The following NXPH1 variants were observed in gnomAD, a reference collection of about 807,000 sequenced individuals.
The protein encoded by NXPH1 is neurexophilin 1.
A neutral mutation model predicts 23.7 loss-of-function variants in NXPH1; 5 were observed. That is an observed-to-expected ratio of 0.21 (90% CI 0.11 to 0.44). The LOEUF is 0.44. NXPH1 is among the 20% of genes least tolerant of loss of function. The probability of loss-of-function intolerance (pLI) is 0.99; values close to 1 mark genes in which losing one functional copy is unlikely to be tolerated. For synonymous variants in NXPH1, 144 were observed against 122.2 expected (o/e 1.18, Z -1.18); for missense variants, 324 against 321.6 (o/e 1.01, Z -0.06).
At chr7:8,500,314 G>A (rs1243325289) in intron 2 of NXPH1, among the ~76,000 whole-genome samples, 2 of 151,622 alleles carry the variant, frequency 1.3e-5, no homozygotes, top group East Asian at 1.9e-4. Flanking sequence ...ATTTCTTTAT[G>A]TTTGGTGTTT....
intron 2 of NXPH1, among the ~76,000 whole-genome samples, chr7:8,742,345 C>T (rs1447097291): frequency 6.6e-6 from 1 of 151,844 alleles, no homozygotes; most frequent in Non-Finnish European, 1.5e-5. Flanking sequence ...GGAATTGAGG[C>T]TAAAATAGTA....
chr7:8,520,857 C>T (rs1028727562), intron 2 of NXPH1, among the ~76,000 whole-genome samples: 2 of 152,128 alleles, frequency 1.3e-5, no homozygotes, highest in African/African-American at 4.8e-5. Flanking sequence ...TCCATCACTG[C>T]AGAATTCATT....
chr7:8,750,840 T>G (rs75139445), intron 2 of NXPH1, among the ~76,000 whole-genome samples, 168 bp from the exon 3 acceptor site: 5 of 152,136 alleles, frequency 3.3e-5, no homozygotes, highest in African/African-American at 1.2e-4. Flanking sequence ...TCTGAGACTC[T>G]GGGAGAGGGG....
rs79547387 is a variant in NXPH1 at position 8,555,519 on chromosome 7, G to A, written c.54+119752G>A. 4.4e-3 allele frequency among the ~76,000 whole-genome samples: 669 copies of A among 151,738 alleles called. 7 individuals are homozygous for A. Among genetic ancestry groups the A allele is most frequent in the African/African-American group, 0.015 (641 of 41,474 alleles). ...ACAGAAGCACCTAAGTCACTTTTCA[G>A]GTTGCTTGTCTTTGAGGGCTGGAGA... On this transcript the variant is annotated intron_variant, in intron 2 of 2. Transcript: ENST00000405863.
intron 2 of NXPH1, among the ~76,000 whole-genome samples, chr7:8,534,019 A>T (rs1817989741): frequency 6.6e-6 from 1 of 152,160 alleles, no homozygotes; most frequent in Non-Finnish European, 1.5e-5. Context: ...AAATGTTAAC[A>T]ACATATTGTG....
intron 2 of NXPH1, among the ~76,000 whole-genome samples, chr7:8,544,700 G>A (rs960437634): frequency 6.6e-6 from 1 of 151,498 alleles, no homozygotes; most frequent in South Asian, 2.1e-4. Context: ...CAGTTCTAAA[G>A]TGCCTGTTTC....
intron 2 of NXPH1, among the ~76,000 whole-genome samples, chr7:8,655,568 ATGTGTGTGTG>A (rs36170352): frequency 1.1e-4 from 4 of 37,600 alleles, no homozygotes; most frequent in East Asian, 5.6e-4. Context: ...GTGTAAATGC[ATGTGTGTGTG>A]TGTGTGTGTG....
At chr7:8,636,483 G>T (rs938163236) in intron 2 of NXPH1, among the ~76,000 whole-genome samples, 5 of 152,276 alleles carry the variant, frequency 3.3e-5, no homozygotes, top group African/African-American at 1.2e-4. Context: ...AGCCCATAAT[G>T]ATGTGCCTTT....
rs190736432 is a variant in NXPH1, at chr7:8,523,888, C to T, written c.54+88121C>T. 6.2e-4 allele frequency among the ~76,000 whole-genome samples: 95 copies of T among 152,180 alleles called. 2 individuals are homozygous for T. Among genetic ancestry groups the T allele is most frequent in the Admixed American group, 4.1e-3 (62 of 15,276 alleles). ...CATTTGCTTTTGCCAACCTGCATGC[C>T]CCTATCCAGAAAATCAAGCGTGAGA... is the stretch of plus-strand genomic sequence containing the variant. On this transcript the variant is annotated intron_variant, in intron 2 of 2. Transcript: ENST00000405863.
chr7:8,679,504 C>T (rs1189067335), intron 2 of NXPH1, among the ~76,000 whole-genome samples: 2 of 152,122 alleles, frequency 1.3e-5, no homozygotes, highest in Non-Finnish European at 2.9e-5. Flanking sequence ...AATTAAGGAA[C>T]ACTCTAATCA....
chr7:8,742,588 G>C, intron 2 of NXPH1, among the ~76,000 whole-genome samples: 1 of 117,566 alleles, frequency 8.5e-6, no homozygotes, highest in Non-Finnish European at 2.0e-5. Flanking sequence ...AATATATAAT[G>C]TAATTTATAA....
intron 2 of NXPH1, among the ~76,000 whole-genome samples, chr7:8,718,896 C>G (rs1176249605): frequency 2.6e-5 from 4 of 152,298 alleles, no homozygotes; most frequent in African/African-American, 9.6e-5. Flanking sequence ...AGCTTTCTAC[C>G]TAACTGTATG....
rs569696781 is a variant in NXPH1 at position 8,482,947 on chromosome 7, C to T, written c.54+47180C>T. Among the ~76,000 whole-genome samples the T allele has an allele frequency of 2.3e-4, 35 of 152,232 alleles. 1 individual carries two copies. Among genetic ancestry groups the T allele is most frequent in the Admixed American group, 1.8e-3 (27 of 15,288 alleles). On this transcript the variant is annotated intron_variant, in intron 2 of 2. Transcript: ENST00000405863. ...GCTTAGTTTTTGTTATCCAAATAAA[C>T]GAAATATCTTCTCTAAATACATTAC... is the stretch of plus-strand genomic sequence containing the variant.
intron 2 of NXPH1, among the ~76,000 whole-genome samples, chr7:8,623,346 C>T (rs1377778164): frequency 6.6e-6 from 1 of 152,054 alleles, no homozygotes; most frequent in Non-Finnish European, 1.5e-5. Flanking sequence ...TGGAACAGGT[C>T]AGGTCCCCAC....
intron 2 of NXPH1, among the ~76,000 whole-genome samples, chr7:8,474,434 A>G (rs1038353269): frequency 1.3e-4 from 20 of 152,138 alleles, no homozygotes; most frequent in African/African-American, 4.8e-4. Flanking sequence ...CACCCACAAT[A>G]TCATCATGCA....
intron 2 of NXPH1, among the ~76,000 whole-genome samples, chr7:8,509,378 G>A (rs12536956): frequency 0.066 from 10,099 of 152,074 alleles, 674 homozygotes; most frequent in East Asian, 0.19. Flanking sequence ...GGAAGAGCAC[G>A]TTTATTTTCC....
intron 2 of NXPH1, among the ~76,000 whole-genome samples, chr7:8,708,823 T>C (rs1299492331): frequency 6.6e-6 from 1 of 152,214 alleles, no homozygotes; most frequent in African/African-American, 2.4e-5. Flanking sequence ...TGATATTCTC[T>C]ATATCTTGCT....
In NXPH1 at chr7:8,435,526, G is replaced by C. The variant is rs1231246738; in HGVS notation, c.-110-78G>C. The C allele has an allele frequency of 2.7e-5, 14 of 513,150 alleles. No homozygotes were observed. Among genetic ancestry groups the C allele is most frequent in the Admixed American group, 6.6e-5 (2 of 30,470 alleles). 31.8% of individuals were successfully genotyped at this position (513,150 alleles called of 1,614,324 possible). A position where few individuals can be genotyped will look rare whatever the true frequency, so the allele number is the denominator to read the frequency against. ...TTTTTGGTCCCCCACTCCCCGCTAC[G>C]ACCCCCTTTCCCCGCTTGATTGTCA... On this transcript the variant is annotated intron_variant, in intron 1 of 2. Coordinates refer to ENST00000405863, the MANE Select transcript of NXPH1 (RefSeq NM_152745.3). The surrounding 1 kb of genome is among the most constrained non-coding windows in gnomAD (Gnocchi z 5.9).
At chr7:8,743,078 T>G (rs1780394047) in intron 2 of NXPH1, among the ~76,000 whole-genome samples, 1 of 152,172 alleles carries the variant, frequency 6.6e-6, no homozygotes, top group Non-Finnish European at 1.5e-5. Flanking sequence ...GCAACATATA[T>G]TGAACATAGG....
Sources: allele counts gnomAD v4.1 joint callset (sites outside exome capture counted in the v4.1 genomes callset), GRCh38; gene constraint gnomAD v4.1.1; non-coding constraint Gnocchi (gnomAD v3.1); transcripts MANE v1.5; gene names NCBI Gene and HGNC (gene_info 2026-07-23, HGNC 2026-07-21).